COL26A1: variants seen among roughly 807,000 people sequenced by gnomAD.
COL26A1 encodes the protein collagen alpha-1(XXVI) chain.
COL26A1 carries 41 observed loss-of-function variants against 59.3 expected under a neutral mutation model. The ratio of observed to expected loss-of-function variants is 0.69; its 90% CI spans 0.54 to 0.90. The LOEUF (loss-of-function observed/expected upper bound fraction) is 0.90. Among genes scored for constraint, COL26A1 ranks in the 40% least tolerant of loss-of-function variants. COL26A1 has a pLI of 0.00. For synonymous variants in COL26A1, 266 were observed against 256.0 expected, an observed-to-expected ratio of 1.04 and a Z score of -0.37; for missense variants, 612 against 602.3, an observed-to-expected ratio of 1.02 and a Z score of -0.17.
chr7:101,394,603 T>C (rs1206569186), intron 1 of COL26A1, among the ~76,000 whole-genome samples: 3 of 138,492 alleles, frequency 2.2e-5, no homozygotes, highest in African/African-American at 8.5e-5. Context: ...TTTTTTTTTT[T>C]GTAGAGATGG....
chr7:101,475,985 C>A (rs1794037697), intron 3 of COL26A1, among the ~76,000 whole-genome samples: 1 of 139,666 alleles, frequency 7.2e-6, no homozygotes, highest in South Asian at 2.2e-4. Flanking sequence ...CTCTTTCTTT[C>A]TTTCTTCTTT....
chr7:101,511,807 A>G (rs993968190), intron 3 of COL26A1, among the ~76,000 whole-genome samples: 1 of 152,150 alleles, frequency 6.6e-6, no homozygotes, highest in Admixed American at 6.6e-5. Context: ...AGCCTGGGCA[A>G]CATAGTAAGA....
At position 101,397,594 on chromosome 7, in the gene COL26A1, T is replaced by C. The variant is rs1859637; in HGVS notation, c.159-22383T>C. ...CTCTGTCACCCAGGGTGATGTGCAA[T>C]GGTGGGGTCATAGCTCAGTGCAGCC... On this transcript the variant is annotated intron_variant, in intron 1 of 12. Transcript: ENST00000313669. 3.5e-3 allele frequency among the ~76,000 whole-genome samples: 483 copies of C among 138,716 alleles called. 3 individuals carry two copies. The highest frequency in any genetic ancestry group is 0.012 in the African/African-American group (466 of 39,108). 91.0% of individuals were successfully genotyped at this position (138,716 alleles called of 152,430 possible).
chr7:101,516,177 G>A (rs1338584600), intron 3 of COL26A1, among the ~76,000 whole-genome samples: 2 of 152,198 alleles, frequency 1.3e-5, no homozygotes, highest in African/African-American at 4.8e-5. Flanking sequence ...TAATCTGTAC[G>A]AAGAAAGGGC....
intron 3 of COL26A1, among the ~76,000 whole-genome samples, chr7:101,477,270 G>T (rs1794069810): frequency 6.6e-6 from 1 of 152,180 alleles, no homozygotes; most frequent in African/African-American, 2.4e-5. Context: ...GGTATTGTGT[G>T]TCTGCGTGGG....
chr7:101,419,888 G>T, intron 1 of COL26A1, 89 bp from the exon 2 acceptor site: 1 of 1,481,552 alleles, frequency 6.7e-7, no homozygotes, highest in Non-Finnish European at 9.2e-7. Context: ...GGTTTGCGGG[G>T]GCCCCTCCCT....
intron 2 of COL26A1, among the ~76,000 whole-genome samples, chr7:101,435,054 G>C (rs1221937592): frequency 6.6e-6 from 1 of 152,156 alleles, no homozygotes; most frequent in Non-Finnish European, 1.5e-5. Flanking sequence ...GTTGGGCGTG[G>C]TGGCTCACGC....
chr7:101,391,066 A>T (rs1365811838), intron 1 of COL26A1, among the ~76,000 whole-genome samples: 2 of 152,216 alleles, frequency 1.3e-5, no homozygotes, highest in African/African-American at 2.4e-5. Flanking sequence ...CTGTGGTAAC[A>T]GGAGCCTCAG....
chr7:101,522,513 C>T (rs1212581104), intron 3 of COL26A1, among the ~76,000 whole-genome samples: 3 of 152,144 alleles, frequency 2.0e-5, no homozygotes, highest in Non-Finnish European at 4.4e-5. Context: ...CTCCTGCAGC[C>T]CCCAGCAACT....
At chr7:101,441,727 A>T (rs919788429) in intron 2 of COL26A1, among the ~76,000 whole-genome samples, 2 of 152,164 alleles carry the variant, frequency 1.3e-5, no homozygotes, top group Non-Finnish European at 2.9e-5. Context: ...GGTGAGGGCC[A>T]GAGGTGTCTG....
chr7:101,378,818 C>A (rs965836337), intron 1 of COL26A1, among the ~76,000 whole-genome samples: 1 of 152,084 alleles, frequency 6.6e-6, no homozygotes, highest in Non-Finnish European at 1.5e-5. Context: ...CAGTTCCCAG[C>A]CCCTTGGAGG....
In COL26A1 at chr7:101,557,350, C is replaced by T; in HGVS notation, c.1166-20C>T. The T allele has an allele frequency of 6.2e-7, 1 of 1,603,214 alleles. No individual in the cohort carries two copies. Among genetic ancestry groups the T allele is most frequent in the Non-Finnish European group, 8.5e-7 (1 of 1,172,220 alleles). On this transcript the variant is annotated intron_variant, in intron 12 of 12. Coordinates refer to ENST00000313669, the MANE Select transcript of COL26A1 (RefSeq NM_001278563.3). ...TTCCTAAGGCTCTACCTCGAGTCCACCCTCCTGCTCTCCTTCCAGATCCCC... is the reference window on the plus strand; with the variant it reads ...TTCCTAAGGCTCTACCTCGAGTCCATCCTCCTGCTCTCCTTCCAGATCCCC...
intron 3 of COL26A1, among the ~76,000 whole-genome samples, chr7:101,461,281 G>C (rs1468146305): frequency 6.7e-6 from 1 of 150,338 alleles, no homozygotes; most frequent in East Asian, 1.9e-4. Context: ...GTGAGCCACT[G>C]CACCTGCCCT....
chr7:101,413,982 G>A (rs1562967965), intron 1 of COL26A1, among the ~76,000 whole-genome samples: 1 of 152,184 alleles, frequency 6.6e-6, no homozygotes, highest in Non-Finnish European at 1.5e-5. Context: ...GTGGCAGGAC[G>A]ACACCACCAG....
intron 1 of COL26A1, among the ~76,000 whole-genome samples, chr7:101,379,754 G>T (rs896977317): frequency 1.3e-4 from 20 of 152,178 alleles, no homozygotes; most frequent in Non-Finnish European, 1.5e-5. Context: ...AAACCAAGAT[G>T]GAGATGAGAG....
chr7:101,544,874 C>T (rs371355817), intron 6 of COL26A1, among the ~76,000 whole-genome samples: 11 of 152,102 alleles, frequency 7.2e-5, no homozygotes, highest in Admixed American at 6.5e-4. Context: ...GCATGAGCAT[C>T]GAGGCTGTCA....
intron 2 of COL26A1, among the ~76,000 whole-genome samples, chr7:101,433,026 T>A (rs1195098954): frequency 6.6e-6 from 1 of 152,086 alleles, no homozygotes; most frequent in Non-Finnish European, 1.5e-5. Flanking sequence ...TTTATTATGG[T>A]TAAGAATGCC....
intron 3 of COL26A1, among the ~76,000 whole-genome samples, chr7:101,455,807 C>G (rs1268698902): frequency 6.6e-6 from 1 of 152,164 alleles, no homozygotes; most frequent in East Asian, 1.9e-4. Flanking sequence ...CTCAGCCTCC[C>G]AAGTAGCTGG....
intron 3 of COL26A1, among the ~76,000 whole-genome samples, chr7:101,491,618 C>T (rs910946408): frequency 1.1e-4 from 16 of 152,110 alleles, no homozygotes; most frequent in Admixed American, 1.0e-3. Flanking sequence ...ATTCATGCCT[C>T]CCCTTTTTAG....
Sources: allele counts gnomAD v4.1 joint callset (sites outside exome capture counted in the v4.1 genomes callset), GRCh38; gene constraint gnomAD v4.1.1; transcripts MANE v1.5; gene names NCBI Gene and HGNC (gene_info 2026-07-23, HGNC 2026-07-21).